Variants in AGBL4 observed in about 807,000 individuals in gnomAD.
AGBL4 encodes the protein AGBL carboxypeptidase 4, also known as cytosolic carboxypeptidase 6.
Under a neutral mutation model 66.4 loss-of-function variants are expected in AGBL4, and 58 were observed. That is an observed-to-expected ratio of 0.87 (90% confidence interval 0.71 to 1.09). The LOEUF (loss-of-function observed/expected upper bound fraction) is 1.09, where lower values mean the gene tolerates loss of function less well. AGBL4 is among the 50% of genes least tolerant of loss of function. The pLI, the probability that AGBL4 is intolerant of heterozygous loss-of-function variation, is 0.00. For synonymous variants in AGBL4, 234 were observed against 222.9 expected (o/e 1.05, Z -0.44); for missense variants, 579 against 631.0 (o/e 0.92, Z 0.88).
rs561177701 is a variant in AGBL4 at position 49,863,169 on chromosome 1, C to T, written c.35-11651G>A. Among the ~76,000 whole-genome samples, 16 of 152,112 alleles carry T rather than the reference C, an allele frequency of 1.1e-4. No individual in the cohort carries two copies. In the East Asian group the frequency reaches 3.1e-3, roughly 29 times the overall value. On this transcript the variant is annotated intron_variant, in intron 1 of 13. Transcript: ENST00000371839. ...AGTGAACCCATTTTTGACAAAGGTG[C>T]CAAGAACATACACTCAGGAAAGGAC...
intron 6 of AGBL4, among the ~76,000 whole-genome samples, chr1:48,740,627 T>C (rs1017460464): frequency 6.6e-6 from 1 of 152,228 alleles, no homozygotes; most frequent in Non-Finnish European, 1.5e-5. Context: ...TCTGGTAGGA[T>C]GGAACTTGAT....
chr1:48,968,496 G>A (rs1658635576), intron 5 of AGBL4, among the ~76,000 whole-genome samples: 1 of 152,074 alleles, frequency 6.6e-6, no homozygotes, highest in Non-Finnish European at 1.5e-5. Context: ...AGATGATTGG[G>A]GCTTAAGTTG....
chr1:49,878,410 G>A (rs1472096378), intron 1 of AGBL4, among the ~76,000 whole-genome samples: 14 of 150,696 alleles, frequency 9.3e-5, no homozygotes, highest in Admixed American at 2.0e-4. Context: ...CCTTCATTTC[G>A]TTATGTACCC....
intron 8 of AGBL4, among the ~76,000 whole-genome samples, chr1:48,650,089 C>A (rs559575408): frequency 1.2e-3 from 186 of 152,342 alleles, no homozygotes; most frequent in Non-Finnish European, 1.9e-3. Flanking sequence ...AACCATCTCT[C>A]CAGCCAGCAG....
At chr1:49,104,158 T>C (rs1362767238) in intron 4 of AGBL4, among the ~76,000 whole-genome samples, 1 of 152,170 alleles carries the variant, frequency 6.6e-6, no homozygotes, top group Non-Finnish European at 1.5e-5. Flanking sequence ...TTCTTATTCT[T>C]CAAGGCTAAC....
intron 4 of AGBL4, among the ~76,000 whole-genome samples, chr1:49,230,690 C>T (rs943419384): frequency 2.0e-5 from 3 of 152,146 alleles, no homozygotes; most frequent in African/African-American, 7.2e-5. Flanking sequence ...ATAATATTCT[C>T]CCTAATATAT....
chr1:49,662,596 A>T (rs763484125), intron 3 of AGBL4, among the ~76,000 whole-genome samples: 15 of 152,136 alleles, frequency 9.9e-5, no homozygotes, highest in Non-Finnish European at 2.1e-4. Flanking sequence ...GAGTTACGTT[A>T]TGCCTCAACT....
chr1:49,081,640 T>C (rs1327055153), intron 4 of AGBL4, among the ~76,000 whole-genome samples: 2 of 152,226 alleles, frequency 1.3e-5, no homozygotes, highest in African/African-American at 4.8e-5. Flanking sequence ...AGTCCTCTGC[T>C]TCTTCCCCTA....
intron 5 of AGBL4, among the ~76,000 whole-genome samples, chr1:48,876,355 G>C (rs1649225993): frequency 6.6e-6 from 1 of 152,104 alleles, no homozygotes; most frequent in Non-Finnish European, 1.5e-5. Flanking sequence ...CAGTCAGATG[G>C]GGGTTGTGCT....
intron 4 of AGBL4, among the ~76,000 whole-genome samples, chr1:49,212,554 C>T: frequency 6.6e-6 from 1 of 152,092 alleles, no homozygotes; most frequent in East Asian, 1.9e-4. Flanking sequence ...AAGCTGCTAA[C>T]CCTCAGACAT....
chr1:49,043,000 T>G (rs1643983770), intron 5 of AGBL4, among the ~76,000 whole-genome samples: 1 of 152,014 alleles, frequency 6.6e-6, no homozygotes, highest in Non-Finnish European at 1.5e-5. Flanking sequence ...GGCACAGGAG[T>G]GAAATGTACA....
At chr1:49,284,754 C>A (rs2148412570) in intron 3 of AGBL4, among the ~76,000 whole-genome samples, 1 of 151,488 alleles carries the variant, frequency 6.6e-6, no homozygotes, top group East Asian at 1.9e-4. Flanking sequence ...TTTAAACCAA[C>A]AAAGATCAAA....
chr1:48,622,711 T>C (rs145509959), intron 9 of AGBL4, among the ~76,000 whole-genome samples: 2,264 of 152,218 alleles, frequency 0.015, 68 homozygotes, highest in African/African-American at 0.051. Context: ...CTCAAACTCC[T>C]GACCTCTGGT....
At chr1:49,129,335 T>C (rs1466877072) in intron 4 of AGBL4, among the ~76,000 whole-genome samples, 1 of 152,100 alleles carries the variant, frequency 6.6e-6, no homozygotes, top group Non-Finnish European at 1.5e-5. Context: ...TATTATACTT[T>C]AAGTTTTAGG....
At chr1:48,912,935 A>G (rs538904099) in intron 5 of AGBL4, among the ~76,000 whole-genome samples, 4 of 152,306 alleles carry the variant, frequency 2.6e-5, no homozygotes, top group Admixed American at 1.3e-4. Flanking sequence ...GAAGTAGCAT[A>G]TAAACTTAAT....
At chr1:48,703,909 A>G (rs2148509462) in intron 6 of AGBL4, among the ~76,000 whole-genome samples, 1 of 152,376 alleles carries the variant, frequency 6.6e-6, no homozygotes, top group African/African-American at 2.4e-5. Flanking sequence ...GCATTGCTAA[A>G]GGATGGGGAT....
intron 6 of AGBL4, among the ~76,000 whole-genome samples, chr1:48,785,360 A>C (rs1645385108): frequency 6.6e-6 from 1 of 152,142 alleles, no homozygotes; most frequent in African/African-American, 2.4e-5. Context: ...GCATGTCTGA[A>C]AGGCAGACCC....
At position 49,362,443 on chromosome 1, in the gene AGBL4, C is replaced by G. The variant is rs1312555215; in HGVS notation, c.283-116579G>C. On this transcript the variant is annotated intron_variant, in intron 3 of 13. Transcript: ENST00000371839. ...CCAGCATGGGCAACAGAGCAAGACC[C>G]TGTCTCAAAAAAAAAAAAAAAAAAA... Among the ~76,000 whole-genome samples, 4 of 127,622 alleles carry G rather than the reference C, an allele frequency of 3.1e-5. No individual in the cohort carries two copies. In the East Asian group the frequency reaches 8.6e-4, roughly 27 times the overall value. 83.7% of individuals were successfully genotyped at this position (127,622 alleles called of 152,430 possible).
At chr1:50,012,197 C>G (rs1179185153) in intron 1 of AGBL4, among the ~76,000 whole-genome samples, 1 of 149,996 alleles carries the variant, frequency 6.7e-6, no homozygotes, top group Non-Finnish European at 1.5e-5. Flanking sequence ...GAATGTTTAC[C>G]AGAGGCTGAG....
Sources: allele counts gnomAD v4.1 joint callset (sites outside exome capture counted in the v4.1 genomes callset), GRCh38; gene constraint gnomAD v4.1.1; transcripts MANE v1.5; gene names NCBI Gene and HGNC (gene_info 2026-07-23, HGNC 2026-07-21).